KDM4C: variants seen among roughly 807,000 people sequenced by gnomAD.
The protein encoded by KDM4C is lysine-specific demethylase 4C.
KDM4C carries 81 observed loss-of-function variants against 129.3 expected under a neutral mutation model. The observed-to-expected ratio is 0.63, with a 90% CI of 0.52 to 0.75. The LOEUF is 0.75. KDM4C is among the 30% of genes least tolerant of loss of function. The pLI, the probability that KDM4C is intolerant of heterozygous loss-of-function variation, is 0.00. For missense variants in KDM4C, 1,457 were observed against 1,304.0 expected, an observed-to-expected ratio of 1.12 and a Z score of -1.81; for synonymous variants, 573 against 456.1, an observed-to-expected ratio of 1.26 and a Z score of -3.26.
At chr9:7,103,956 T>C (rs1837396746) in intron 18 of KDM4C, 86 bp downstream of exon 18, 3 of 1,154,350 alleles carry the variant, frequency 2.6e-6, no homozygotes, top group South Asian at 2.8e-5. Context: ...TAATGTGCTT[T>C]ATTCTGTAAT....
At chr9:6,975,656 T>G (rs1376518265) in intron 8 of KDM4C, among the ~76,000 whole-genome samples, 1 of 152,214 alleles carries the variant, frequency 6.6e-6, no homozygotes, top group Non-Finnish European at 1.5e-5. Flanking sequence ...ACAGACACTG[T>G]GTGTAGCTCA....
At chr9:6,876,415 G>T (rs1336535376) in intron 5 of KDM4C, among the ~76,000 whole-genome samples, 1 of 152,196 alleles carries the variant, frequency 6.6e-6, no homozygotes, top group Non-Finnish European at 1.5e-5. Flanking sequence ...GTTCTGTGAG[G>T]TAGACTAGGT....
At chr9:7,104,408 G>C (rs938959481) in intron 18 of KDM4C, 2 of 152,398 alleles carry the variant, frequency 1.3e-5, no homozygotes, top group African/African-American at 4.8e-5. Context: ...CATATGTGAG[G>C]GACAGCCTGG....
chr9:7,102,574 G>C (rs1178793965), intron 17 of KDM4C, among the ~76,000 whole-genome samples: 3 of 152,136 alleles, frequency 2.0e-5, no homozygotes, highest in Non-Finnish European at 2.9e-5. Context: ...GAGTAAGACT[G>C]AGGGACAGAA....
chr9:6,925,274 T>G (rs1822268296), intron 8 of KDM4C: 5 of 985,124 alleles, frequency 5.1e-6, no homozygotes, highest in Non-Finnish European at 6.0e-6. Flanking sequence ...AGGAGGTAGT[T>G]ACTATGGGAA....
chr9:6,951,451 A>T (rs907357267), intron 8 of KDM4C, among the ~76,000 whole-genome samples: 1 of 152,176 alleles, frequency 6.6e-6, no homozygotes, highest in Non-Finnish European at 1.5e-5. Flanking sequence ...GATACATCCC[A>T]TGAGATTATG....
At chr9:6,794,837 A>G (rs575671559) in intron 2 of KDM4C, among the ~76,000 whole-genome samples, 34 of 152,306 alleles carry the variant, frequency 2.2e-4, no homozygotes, top group South Asian at 1.9e-3. Context: ...CTCATTGCAC[A>G]TTTGGATGCA....
rs1302998016 is a variant in KDM4C, at chr9:7,022,361, T to A, written c.2259+6432T>A. Among the ~76,000 whole-genome samples the A allele has an allele frequency of 1.3e-5, 2 of 152,160 alleles. 1 individual carries two copies. Among genetic ancestry groups the A allele is most frequent in the Non-Finnish European group, 2.9e-5 (2 of 68,024 alleles). Reference sequence around the variant, plus strand: ...TGTTTTATAGTTTTCATTGTAGAGATCTTTCACTTCTCTGGTAAGTTAAAT... The same window carrying A: ...TGTTTTATAGTTTTCATTGTAGAGAACTTTCACTTCTCTGGTAAGTTAAAT... On this transcript the variant is annotated intron_variant, in intron 15 of 21. Coordinates refer to ENST00000381309, the MANE Select transcript of KDM4C (RefSeq NM_015061.6).
At chr9:6,759,405 G>C (rs1261877593) in intron 1 of KDM4C, among the ~76,000 whole-genome samples, 4 of 152,242 alleles carry the variant, frequency 2.6e-5, no homozygotes, top group Middle Eastern at 3.4e-3. Context: ...TTTTTATTAG[G>C]AAGCAGTCGG....
At chr9:6,957,709 G>T (rs1829319682) in intron 8 of KDM4C, among the ~76,000 whole-genome samples, 1 of 152,026 alleles carries the variant, frequency 6.6e-6, no homozygotes, top group Admixed American at 6.6e-5. Flanking sequence ...TCATGTTATA[G>T]CAGGAGCCAT....
intron 8 of KDM4C, among the ~76,000 whole-genome samples, chr9:6,903,397 C>T (rs923918688): frequency 3.9e-5 from 6 of 152,086 alleles, no homozygotes; most frequent in Admixed American, 3.9e-4. Context: ...TAAGAAAATG[C>T]CCAGTCCCCA....
intron 8 of KDM4C, chr9:6,974,794 G>T (rs1229623657): frequency 6.6e-6 from 1 of 152,118 alleles, no homozygotes; most frequent in Non-Finnish European, 1.5e-5. Context: ...CTGTGACATG[G>T]AGTGCATGAA....
At chr9:6,851,449 C>T (rs1360544393) in intron 5 of KDM4C, among the ~76,000 whole-genome samples, 1 of 152,134 alleles carries the variant, frequency 6.6e-6, no homozygotes, top group Non-Finnish European at 1.5e-5. Flanking sequence ...GGCTCCTGGA[C>T]AGTTTCTCAG....
intron 8 of KDM4C, among the ~76,000 whole-genome samples, chr9:6,894,456 C>G (rs1313855342): frequency 6.6e-6 from 1 of 152,178 alleles, no homozygotes; most frequent in African/African-American, 2.4e-5. Flanking sequence ...AAATGTAATG[C>G]TTGCATCTGC....
At chr9:6,750,233 G>C (rs1252348030) in intron 1 of KDM4C, among the ~76,000 whole-genome samples, 1 of 151,974 alleles carries the variant, frequency 6.6e-6, no homozygotes, top group Admixed American at 6.6e-5. Flanking sequence ...GAAGTCAGGA[G>C]TTCGAGACCA....
chr9:6,903,292 A>G (rs1366075824), intron 8 of KDM4C, among the ~76,000 whole-genome samples: 1 of 152,216 alleles, frequency 6.6e-6, no homozygotes, highest in African/African-American at 2.4e-5. Flanking sequence ...AAATAGCATG[A>G]AAACTTGTTT....
intron 1 of KDM4C, among the ~76,000 whole-genome samples, chr9:6,764,020 A>G (rs1820126310): frequency 2.6e-5 from 4 of 152,178 alleles, no homozygotes; most frequent in Admixed American, 2.0e-4. Flanking sequence ...CGGCCTCCCA[A>G]AGTGCTGGGA....
At chr9:6,998,851 T>C (rs886296118) in intron 12 of KDM4C, among the ~76,000 whole-genome samples, 2 of 152,136 alleles carry the variant, frequency 1.3e-5, no homozygotes, top group African/African-American at 4.8e-5. Flanking sequence ...AAAAATTGTT[T>C]ATAACAATTG....
At chr9:6,752,123 G>A (rs894164493) in intron 1 of KDM4C, among the ~76,000 whole-genome samples, 2 of 150,202 alleles carry the variant, frequency 1.3e-5, no homozygotes, top group Admixed American at 6.6e-5. Flanking sequence ...CACGAGGTCA[G>A]GAGATCGAGA....
Sources: gnomAD v4.1 joint callset for allele counts (sites outside exome capture counted in the v4.1 genomes callset) on GRCh38, gnomAD v4.1.1 for gene constraint, MANE v1.5 for transcripts, NCBI Gene and HGNC (gene_info 2026-07-23, HGNC 2026-07-21) for gene names.